RBFOX3: variants seen among roughly 807,000 people sequenced by gnomAD.
The protein encoded by RBFOX3 is RNA binding fox-1 homolog 3.
Under a neutral mutation model 48.7 loss-of-function variants are expected in RBFOX3, and 17 were observed. The observed-to-expected ratio is 0.35, with a 90% CI of 0.24 to 0.52. The LOEUF (loss-of-function observed/expected upper bound fraction) is 0.52, where lower values mean the gene tolerates loss of function less well. Among genes scored for constraint, RBFOX3 ranks in the 20% least tolerant of loss-of-function variants. RBFOX3 has a pLI of 0.94. For synonymous variants in RBFOX3, 212 were observed against 209.5 expected (o/e 1.01, Z -0.10); for missense variants, 382 against 497.5 (o/e 0.77, Z 2.21).
At chr17:79,389,434 G>A (rs555559413) in intron 2 of RBFOX3, among the ~76,000 whole-genome samples, 9 of 152,328 alleles carry the variant, frequency 5.9e-5, no homozygotes, top group African/African-American at 2.2e-4. Context: ...TACTTTTCAG[G>A]AACTCTACAA....
At chr17:79,139,561 C>T (rs952426491) in intron 4 of RBFOX3, among the ~76,000 whole-genome samples, 3 of 152,192 alleles carry the variant, frequency 2.0e-5, no homozygotes, top group Non-Finnish European at 4.4e-5. Context: ...TGAGGCTGGC[C>T]GGAACTGGGC....
chr17:79,335,956 AC>A (rs2081124379), intron 2 of RBFOX3, among the ~76,000 whole-genome samples: 1 of 152,008 alleles, frequency 6.6e-6, no homozygotes, highest in African/African-American at 2.4e-5. Flanking sequence ...AGAAAAGAAA[AC>A]TCGCTGTTTC....
chr17:79,453,595 G>A (rs1216418967), intron 2 of RBFOX3, among the ~76,000 whole-genome samples: 1 of 152,220 alleles, frequency 6.6e-6, no homozygotes, highest in Non-Finnish European at 1.5e-5. Flanking sequence ...GAGAAATAGT[G>A]CCGTTTAAGA....
At chr17:79,593,517 G>A (rs2093481329) in intron 1 of RBFOX3, among the ~76,000 whole-genome samples, 2 of 152,170 alleles carry the variant, frequency 1.3e-5, no homozygotes, top group Non-Finnish European at 2.9e-5. Flanking sequence ...CGGGAGGGTG[G>A]GCGTGGAGAA....
chr17:79,566,745 G>A (rs1456057869), intron 1 of RBFOX3, among the ~76,000 whole-genome samples: 4 of 152,230 alleles, frequency 2.6e-5, no homozygotes, highest in Admixed American at 6.5e-5. Flanking sequence ...TTCATAACCA[G>A]TATCTGTGGT....
chr17:79,112,907 G>GGT (rs1483833899), intron 5 of RBFOX3, among the ~76,000 whole-genome samples: 1 of 71,392 alleles, frequency 1.4e-5, no homozygotes, highest in African/African-American at 5.4e-5. Flanking sequence ...AGGCTCTCGG[G>GGT]GGGGGGGTGG....
At chr17:79,621,961 G>A in the RBFOX3 span, among the ~76,000 whole-genome samples, 11 of 152,316 alleles carry the variant, frequency 7.2e-5, 1 homozygote, top group African/African-American at 1.9e-4. Flanking sequence ...AGAGAAGACC[G>A]CAAGCTAATC....
intron 1 of RBFOX3, among the ~76,000 whole-genome samples, chr17:79,575,762 C>T (rs2092837560): frequency 6.6e-6 from 1 of 152,238 alleles, no homozygotes; most frequent in Non-Finnish European, 1.5e-5. Context: ...GGGCAGCCTG[C>T]CAGAGCAAAT....
At chr17:79,514,138 T>C (rs2084914667) in intron 1 of RBFOX3, among the ~76,000 whole-genome samples, 1 of 151,988 alleles carries the variant, frequency 6.6e-6, no homozygotes, top group Non-Finnish European at 1.5e-5. Flanking sequence ...CCTCCTACCA[T>C]CTCCACCCTG....
Position 79,097,313 on chromosome 17 carries a change from G to C in RBFOX3, c.734C>G (p.Pro245Arg). 1 of 1,545,170 alleles carries C rather than the reference G, an allele frequency of 6.5e-7. No homozygotes were observed. The highest frequency in any genetic ancestry group is 1.4e-5 in the African/African-American group (1 of 72,950). ...YNTFRAAPPP[P>R]PIPTYGAALE... is the part of the protein sequence containing the mutation. ...TCACGCTCCGTAAGTCGGGATGGGG[G>C]GTGGGGGTGGCGCAGCCCGAAATGT... The change falls in exon 11 of 15, where the codon CCC (proline) becomes CGC (arginine). Residue 245 changes from proline to arginine, a missense_variant. Transcript: ENST00000693108.
intron 2 of RBFOX3, among the ~76,000 whole-genome samples, chr17:79,308,992 A>G (rs2076462497): frequency 6.6e-6 from 1 of 152,022 alleles, no homozygotes; most frequent in Non-Finnish European, 1.5e-5. Flanking sequence ...GGTGAGTCCT[A>G]GCTACCAGGG....
At chr17:79,567,164 T>C (rs2092485407) in intron 1 of RBFOX3, among the ~76,000 whole-genome samples, 1 of 135,606 alleles carries the variant, frequency 7.4e-6, no homozygotes, top group East Asian at 2.2e-4. Context: ...GTGCTATTTT[T>C]TTTCTTTCTT....
intron 4 of RBFOX3, among the ~76,000 whole-genome samples, chr17:79,211,197 C>T (rs758016257): frequency 6.6e-6 from 1 of 152,234 alleles, no homozygotes; most frequent in African/African-American, 2.4e-5. Context: ...TCCTGGCAGG[C>T]AGCACGGCCC....
chr17:79,302,511 C>A (rs1481311363), intron 3 of RBFOX3, among the ~76,000 whole-genome samples: 2 of 152,134 alleles, frequency 1.3e-5, no homozygotes, highest in African/African-American at 4.8e-5. Context: ...GAAACCCCTT[C>A]TCTACTAAAA....
In RBFOX3 at chr17:79,340,322, A is replaced by AAAC. The variant is rs1234763088; in HGVS notation, c.-174-32499_-174-32498insGTT. 3.1e-3 allele frequency among the ~76,000 whole-genome samples: 452 copies of AAAC among 144,032 alleles called. 21 individuals are homozygous for AAAC. Among genetic ancestry groups the AAAC allele is most frequent in the African/African-American group, 5.2e-3 (208 of 39,904 alleles). 94.5% of individuals were successfully genotyped at this position (144,032 alleles called of 152,430 possible). A position where few individuals can be genotyped will look rare whatever the true frequency, so the allele number is the denominator to read the frequency against. On this transcript the variant is annotated intron_variant, in intron 2 of 14. Coordinates refer to ENST00000693108, the MANE Select transcript of RBFOX3 (RefSeq NM_001350451.2). ...TCAAAAAAAAAAACAAAAAACAAAA[A>AAAC]CAAAACTCTCTGAGCATGATAGAAT...
Position 79,443,679 on chromosome 17 carries a change from T to C in RBFOX3, c.-175+38775A>G, listed in dbSNP as rs1361002685. 6.6e-6 allele frequency among the ~76,000 whole-genome samples: 1 copy of C among 152,120 alleles called. No individual in the cohort carries two copies. The highest frequency in any genetic ancestry group is 2.4e-5 in the African/African-American group (1 of 41,424). On this transcript the variant is annotated intron_variant, in intron 2 of 14. Coordinates refer to ENST00000693108, the MANE Select transcript of RBFOX3 (RefSeq NM_001350451.2). The surrounding 1 kb of genome is among the most constrained non-coding windows in gnomAD (Gnocchi z 4.4). Reference sequence around the variant, plus strand: ...ATTACAGGCATGAGCCACCGCACCCTCTTGTTCACTGTCTCACATGTGCAC... The same window carrying C: ...ATTACAGGCATGAGCCACCGCACCCCCTTGTTCACTGTCTCACATGTGCAC...
In RBFOX3 at chr17:79,482,689, G is replaced by C. The variant is rs901535573; in HGVS notation, c.-319-91C>G. 3.9e-5 allele frequency: 6 copies of C among 152,044 alleles called. No individual in the cohort carries two copies. Among genetic ancestry groups the C allele is most frequent in the African/African-American group, 1.5e-4 (6 of 41,328 alleles). The allele number at this position is 152,044 out of a possible 1,614,324, so 9.4% of individuals were successfully genotyped here. A position where few individuals can be genotyped will look rare whatever the true frequency, so the allele number is the denominator to read the frequency against. ...ACAAACATTTGGTATTAATAAACCA[G>C]GGAGGGGGCAGCTTCAAAGCCAACT... is the stretch of plus-strand genomic sequence containing the variant. On this transcript the variant is annotated intron_variant, in intron 1 of 14. Transcript: ENST00000693108. This position sits in a 1 kb window ranked among gnomAD's most constrained non-coding sequence, Gnocchi z 4.1.
intron 1 of RBFOX3, among the ~76,000 whole-genome samples, chr17:79,574,299 T>A (rs1482457957): frequency 6.6e-6 from 1 of 152,108 alleles, no homozygotes; most frequent in Non-Finnish European, 1.5e-5. Context: ...GCATTCTTAG[T>A]CACAGGATGA....
At chr17:79,348,890 C>G (rs1488828252) in intron 2 of RBFOX3, among the ~76,000 whole-genome samples, 2 of 151,814 alleles carry the variant, frequency 1.3e-5, no homozygotes, top group African/African-American at 4.8e-5. Context: ...CCCACTTTTT[C>G]AATCATAATG....
Sources: gnomAD v4.1 joint callset for allele counts (sites outside exome capture counted in the v4.1 genomes callset) on GRCh38, gnomAD v4.1.1 for gene constraint, Gnocchi (gnomAD v3.1) non-coding constraint, MANE v1.5 for transcripts, NCBI Gene and HGNC (gene_info 2026-07-23, HGNC 2026-07-21) for gene names.